Variants in NDUFA13 observed in about 807,000 individuals in gnomAD.
NDUFA13 encodes the protein NADH dehydrogenase [ubiquinone] 1 alpha subcomplex subunit 13.
In NDUFA13, 16 loss-of-function variants were observed where a neutral mutation model predicts 17.0. That is an observed-to-expected ratio of 0.94 (90% CI 0.64 to 1.43). The LOEUF (loss-of-function observed/expected upper bound fraction) is 1.43, where lower values mean the gene tolerates loss of function less well. Ranked by LOEUF, NDUFA13 falls within the 40% of genes most tolerant of loss-of-function variation. NDUFA13 has a pLI of 0.00. For missense variants in NDUFA13, 228 were observed against 206.7 expected (o/e 1.10, Z -0.63); for synonymous variants, 87 against 78.4 (o/e 1.11, Z -0.58).
At chr19:19,517,905 G>A (rs2061057631) in intron 1 of NDUFA13, among the ~76,000 whole-genome samples, 2 of 152,170 alleles carry the variant, frequency 1.3e-5, no homozygotes, top group Admixed American at 1.3e-4. Flanking sequence ...AGTATTTTGG[G>A]TTTGGCTGGC....
chr19:19,526,013 T>C (rs1330084542), intron 1 of NDUFA13, 169 bp from the exon 2 acceptor site: 18 of 1,496,618 alleles, frequency 1.2e-5, no homozygotes, highest in Non-Finnish European at 1.5e-5. Flanking sequence ...CTGCCTGGCT[T>C]GTACCTTTCA....
chr19:19,527,991 C>T lies in NDUFA13; in HGVS notation c.316-16C>T, dbSNP rs766499555. The T allele has an allele frequency of 3.0e-5, 49 of 1,612,528 alleles. No homozygotes were observed. Among genetic ancestry groups the T allele is most frequent in the Middle Eastern group, 1.8e-4 (1 of 5,600 alleles). ...TGGGTGGCTGTGCCTCTACCCATAC[C>T]CCACTGTCCCCACAGGTGGGGGAGT... On this transcript the variant is annotated splice_polypyrimidine_tract_variant and intron_variant, in intron 4 of 4. Coordinates refer to ENST00000507754, the MANE Select transcript of NDUFA13 (RefSeq NM_015965.7).
At chr19:19,519,969 C>CTTT (rs2061069138) in intron 1 of NDUFA13, among the ~76,000 whole-genome samples, 1 of 131,016 alleles carries the variant, frequency 7.6e-6, no homozygotes, top group Admixed American at 8.1e-5. Context: ...GCTTTTTGTT[C>CTTT]TCTTTTTTTT....
At chr19:19,522,320 A>G (rs1004398966) in intron 1 of NDUFA13, among the ~76,000 whole-genome samples, 15 of 152,014 alleles carry the variant, frequency 9.9e-5, no homozygotes, top group Admixed American at 4.6e-4. Flanking sequence ...TACATGTATA[A>G]TAATAATTTC....
intron 1 of NDUFA13, among the ~76,000 whole-genome samples, chr19:19,519,507 G>A (rs2061066482): frequency 2.6e-5 from 4 of 152,168 alleles, no homozygotes; most frequent in African/African-American, 9.6e-5. Flanking sequence ...AGCCTTTCCC[G>A]GTGGAGGAGT....
intron 1 of NDUFA13, 169 bp from the exon 2 acceptor site, chr19:19,526,013 T>G (rs1330084542): frequency 8.7e-6 from 13 of 1,496,618 alleles, no homozygotes; most frequent in Admixed American, 6.2e-5. Flanking sequence ...CTGCCTGGCT[T>G]GTACCTTTCA....
In NDUFA13 at chr19:19,516,342, AC is replaced by A. The variant is rs1310634581; in HGVS notation, c.94+11del. ...CGTCGAGGACTGTCGGGTCAGTATCACTCTGCGCCGGGGTCTCAGAGTCTGG... is the reference window on the plus strand; with the variant it reads ...CGTCGAGGACTGTCGGGTCAGTATCATCTGCGCCGGGGTCTCAGAGTCTGG... On this transcript the variant is annotated intron_variant, in intron 1 of 4. Transcript: ENST00000507754. 60 of 1,611,906 alleles carry A rather than the reference AC, an allele frequency of 3.7e-5. No homozygotes were observed. The highest frequency in any genetic ancestry group is 5.0e-5 in the Non-Finnish European group (59 of 1,179,772).
chr19:19,518,691 G>C (rs972789093), intron 1 of NDUFA13, among the ~76,000 whole-genome samples: 1 of 137,934 alleles, frequency 7.2e-6, no homozygotes, highest in Non-Finnish European at 1.5e-5. Context: ...GGCCTCCCTA[G>C]TATCTGGGAT....
chr19:19,526,048 G>C (rs1312664400), intron 1 of NDUFA13, 134 bp from the exon 2 acceptor site: 1 of 1,528,158 alleles, frequency 6.5e-7, no homozygotes, highest in African/African-American at 1.4e-5. Flanking sequence ...TGGGGGCAGA[G>C]GTGTCACAGT....
chr19:19,522,477 CTTT>C (rs3067694), intron 1 of NDUFA13, among the ~76,000 whole-genome samples: 4 of 95,036 alleles, frequency 4.2e-5, no homozygotes, highest in African/African-American at 1.4e-4. Flanking sequence ...GTCTTTGATC[CTTT>C]TTTTTTTTTT....
chr19:19,519,767 C>T (rs1440089943), intron 1 of NDUFA13, among the ~76,000 whole-genome samples: 1 of 152,150 alleles, frequency 6.6e-6, no homozygotes, highest in Non-Finnish European at 1.5e-5. Context: ...CAGGCCCTGC[C>T]TCCTCTCCCT....
chr19:19,525,962 C>T (rs1255131866), intron 1 of NDUFA13: 2 of 1,391,978 alleles, frequency 1.4e-6, no homozygotes, highest in Admixed American at 2.8e-5. Flanking sequence ...CTGGGGCCCC[C>T]CTAGCAACCA....
rs1329472346 is a variant in NDUFA13, at chr19:19,525,021, A to AGT, written c.95-1159_95-1158dup. On this transcript the variant is annotated intron_variant, in intron 1 of 4. Transcript: ENST00000507754. Reference sequence around the variant, plus strand: ...CCCTGCACTCCAGCCTGGGTAGCAGAGTGAGACCTTGTCTCAAAACCAAAA... The same window carrying AGT: ...CCCTGCACTCCAGCCTGGGTAGCAGAGTGTGAGACCTTGTCTCAAAACCAAAA... Among the ~76,000 whole-genome samples, 7 of 152,226 alleles carry AGT rather than the reference A, an allele frequency of 4.6e-5. No homozygotes were observed. In the East Asian group the frequency reaches 1.4e-3, roughly 29 times the overall value.
intron 1 of NDUFA13, among the ~76,000 whole-genome samples, chr19:19,522,846 A>G (rs1008623024): frequency 6.6e-6 from 1 of 151,996 alleles, no homozygotes; most frequent in Non-Finnish European, 1.5e-5. Flanking sequence ...ATTCTTTAGC[A>G]TGTGGCTGTC....
At chr19:19,521,865 G>A (rs574400243) in intron 1 of NDUFA13, among the ~76,000 whole-genome samples, 2 of 150,904 alleles carry the variant, frequency 1.3e-5, no homozygotes, top group Non-Finnish European at 3.0e-5. Flanking sequence ...GCCTCCCAAA[G>A]TGCTGGGATT....
chr19:19,518,671 C>T (rs949107505), intron 1 of NDUFA13, among the ~76,000 whole-genome samples: 4 of 149,078 alleles, frequency 2.7e-5, no homozygotes, highest in Non-Finnish European at 5.9e-5. Context: ...TCAAGCGATT[C>T]TCCTCCCTCG....
At chr19:19,522,934 C>T (rs2061084511) in intron 1 of NDUFA13, among the ~76,000 whole-genome samples, 1 of 152,192 alleles carries the variant, frequency 6.6e-6, no homozygotes, top group Admixed American at 6.5e-5. Context: ...ATCAATTGAC[C>T]ATAAATGTGA....
At chr19:19,519,090 C>T (rs1306530143) in intron 1 of NDUFA13, among the ~76,000 whole-genome samples, 1 of 139,162 alleles carries the variant, frequency 7.2e-6, no homozygotes, top group African/African-American at 2.9e-5. Flanking sequence ...AGGGTTTCAC[C>T]ATGTAGGCCA....
intron 1 of NDUFA13, among the ~76,000 whole-genome samples, chr19:19,522,422 T>C (rs374424288): frequency 1.3e-5 from 2 of 151,500 alleles, no homozygotes; most frequent in East Asian, 3.9e-4. Flanking sequence ...GAGAGTGACT[T>C]ACATTTTCTT....
Sources: gnomAD v4.1 joint callset for allele counts (sites outside exome capture counted in the v4.1 genomes callset) on GRCh38, gnomAD v4.1.1 for gene constraint, MANE v1.5 for transcripts, NCBI Gene and HGNC (gene_info 2026-07-23, HGNC 2026-07-21) for gene names.